Variants in ZBTB7C observed in about 807,000 individuals in gnomAD.
The protein encoded by ZBTB7C is zinc finger and BTB domain-containing protein 7C.
In ZBTB7C, 8 loss-of-function variants were observed where a neutral mutation model predicts 25.7. That is an observed-to-expected ratio of 0.31 (90% CI 0.18 to 0.56). The LOEUF is 0.56. Among genes scored for constraint, ZBTB7C ranks in the 20% least tolerant of loss-of-function variants. The probability of loss-of-function intolerance (pLI) is 0.91; values close to 1 mark genes in which losing one functional copy is unlikely to be tolerated. For missense variants in ZBTB7C, 824 were observed against 855.2 expected (o/e 0.96, Z 0.46); for synonymous variants, 394 against 369.0 (o/e 1.07, Z -0.78).
Position 48,338,347 on chromosome 18 carries a change from C to T in ZBTB7C, c.-252G>A, listed in dbSNP as rs899403988. On this transcript the variant is annotated 5_prime_UTR_variant, in exon 2 of 5. Transcript: ENST00000590800. ...TCACTTCTTGCTCTTGTGGCTGACC[C>T]ACTCCTCAGGGTTGGACAGAGCTTC... The T allele has an allele frequency of 6.6e-6, 1 of 152,226 alleles. No individual in the cohort carries two copies. Among genetic ancestry groups the T allele is most frequent in the East Asian group, 1.9e-4 (1 of 5,188 alleles). 9.4% of individuals were successfully genotyped at this position (152,226 alleles called of 1,614,324 possible).
chr18:48,029,803 C>T lies in ZBTB7C; in HGVS notation c.1317G>A (p.Met439Ile), dbSNP rs764990279. 1.9e-6 allele frequency: 3 copies of T among 1,609,086 alleles called. No individual in the cohort carries two copies. The East Asian group carries it at 6.7e-5, about 36-fold the overall frequency. ...AGGGCCGCACGCCCGTGTGGATGCGCATGTGGTTCTTGAGGTCGTAGTTGT... is the reference window on the plus strand; with the variant it reads ...AGGGCCGCACGCCCGTGTGGATGCGTATGTGGTTCTTGAGGTCGTAGTTGT... ...FVHNYDLKNHMRIHTGVRPYQ... is the reference protein window; with the variant it reads ...FVHNYDLKNHIRIHTGVRPYQ... Residue 439 changes from methionine to isoleucine, a missense_variant, in exon 5 of 5, where the codon ATG becomes ATA. Met to Ile is a conservative substitution (Grantham distance 10). Transcript: ENST00000590800.
At chr18:48,245,494 C>CAAAAAAAAA (rs5824738) in intron 2 of ZBTB7C, among the ~76,000 whole-genome samples, 1 of 132,908 alleles carries the variant, frequency 7.5e-6, no homozygotes. Flanking sequence ...ATCAAGACAC[C>CAAAAAAAAA]AAAAAAAAAA....
At chr18:48,051,246 G>A (rs2036674390) in intron 3 of ZBTB7C, among the ~76,000 whole-genome samples, 1 of 152,246 alleles carries the variant, frequency 6.6e-6, no homozygotes, top group Admixed American at 6.5e-5. Context: ...GAAGGGTACC[G>A]AAGAGCGTAG....
At chr18:48,356,113 G>C (rs757084651) in intron 1 of ZBTB7C, among the ~76,000 whole-genome samples, 1 of 152,164 alleles carries the variant, frequency 6.6e-6, no homozygotes, top group Non-Finnish European at 1.5e-5. Flanking sequence ...CATGAGGCTT[G>C]AGACCCACTG....
intron 2 of ZBTB7C, among the ~76,000 whole-genome samples, chr18:48,327,282 C>T (rs1412326131): frequency 6.6e-6 from 1 of 152,188 alleles, no homozygotes; most frequent in African/African-American, 2.4e-5. Flanking sequence ...CCCCGAATCA[C>T]CATCATCCCA....
Position 48,029,256 on chromosome 18 carries a change from C to T in ZBTB7C, c.*4G>A, listed in dbSNP as rs1331561825. 6 of 1,536,086 alleles carry T rather than the reference C, an allele frequency of 3.9e-6. No homozygotes were observed. Among genetic ancestry groups the T allele is most frequent in the Non-Finnish European group, 5.2e-6 (6 of 1,148,798 alleles). ...CTGGTGGGCTGGAGCCGACAGGGAC[C>T]AGCCTAGTTGTTGGCTTCGGACATG... On this transcript the variant is annotated 3_prime_UTR_variant, in exon 5 of 5. Transcript: ENST00000590800.
At chr18:48,031,084 G>A (rs749355273) in intron 4 of ZBTB7C, among the ~76,000 whole-genome samples, 19 of 152,182 alleles carry the variant, frequency 1.2e-4, no homozygotes, top group Non-Finnish European at 1.0e-4. Flanking sequence ...TAGAACAGAT[G>A]TGGAGTCCAG....
chr18:48,077,407 C>T (rs374025396), intron 3 of ZBTB7C, among the ~76,000 whole-genome samples: 31 of 152,306 alleles, frequency 2.0e-4, no homozygotes, highest in African/African-American at 7.0e-4. Flanking sequence ...TCCCCCAGTA[C>T]GCTCACACCC....
chr18:48,054,547 G>A (rs1054896471), intron 3 of ZBTB7C, among the ~76,000 whole-genome samples: 2 of 152,134 alleles, frequency 1.3e-5, no homozygotes, highest in African/African-American at 4.8e-5. Flanking sequence ...ATTTAGAGAC[G>A]AGGTCCAGCC....
chr18:48,130,177 A>G (rs2039944623), intron 3 of ZBTB7C, among the ~76,000 whole-genome samples: 1 of 152,156 alleles, frequency 6.6e-6, no homozygotes, highest in Non-Finnish European at 1.5e-5. Flanking sequence ...CTAGAGATTA[A>G]CCTCAGGCTG....
intron 4 of ZBTB7C, among the ~76,000 whole-genome samples, chr18:48,038,628 T>G (rs1313233861): frequency 6.6e-6 from 1 of 151,800 alleles, no homozygotes; most frequent in African/African-American, 2.4e-5. Flanking sequence ...ACTGTGTCCT[T>G]GGGCCAAAGC....
At chr18:48,210,553 C>T (rs2042679462) in intron 2 of ZBTB7C, among the ~76,000 whole-genome samples, 3 of 152,068 alleles carry the variant, frequency 2.0e-5, no homozygotes, top group East Asian at 1.9e-4. Context: ...GTGAAAGAAG[C>T]CAGCCACAAA....
chr18:48,233,241 T>C lies in ZBTB7C; in HGVS notation c.-78-47246A>G, dbSNP rs139458010. ...CTCTCTCGCGCGCACGCTCTCTCTC[T>C]CCCTTCACCCCCCACCTTCCTCCAT... On this transcript the variant is annotated intron_variant, in intron 2 of 4. Transcript: ENST00000590800. Among the ~76,000 whole-genome samples, 9 of 152,062 alleles carry C rather than the reference T, an allele frequency of 5.9e-5. No individual in the cohort carries two copies. The East Asian group carries it at 1.7e-3, about 29-fold the overall frequency.
At position 48,254,257 on chromosome 18, in the gene ZBTB7C, G is replaced by A. The variant is rs534122491; in HGVS notation, c.-78-68262C>T. On this transcript the variant is annotated intron_variant, in intron 2 of 4. Coordinates refer to ENST00000590800, the MANE Select transcript of ZBTB7C (RefSeq NM_001318841.2). Reference sequence around the variant, plus strand: ...AATGCCGGCAGCAAAATACTACCTAGGAATAGGCAAGTTCAAAATGGCGGT... The same window carrying A: ...AATGCCGGCAGCAAAATACTACCTAAGAATAGGCAAGTTCAAAATGGCGGT... Among the ~76,000 whole-genome samples, 23 of 152,306 alleles carry A rather than the reference G, an allele frequency of 1.5e-4. 1 individual carries two copies. In the South Asian group the frequency reaches 4.8e-3, roughly 32 times the overall value.
At chr18:48,357,382 C>T (rs548852196) in intron 1 of ZBTB7C, among the ~76,000 whole-genome samples, 29 of 152,198 alleles carry the variant, frequency 1.9e-4, no homozygotes, top group African/African-American at 7.0e-4. Context: ...AACTGGGACG[C>T]AGAGCTCACA....
chr18:48,331,337 T>C (rs1438822857), intron 2 of ZBTB7C, among the ~76,000 whole-genome samples: 4 of 152,176 alleles, frequency 2.6e-5, no homozygotes, highest in Non-Finnish European at 5.9e-5. Flanking sequence ...CCATGTCACA[T>C]TCTTGTGAGG....
intron 3 of ZBTB7C, chr18:48,072,726 C>T (rs971926866): frequency 2.0e-5 from 3 of 152,258 alleles, no homozygotes; most frequent in Non-Finnish European, 4.4e-5. Flanking sequence ...CATTGCTCCT[C>T]CAATCCCACC....
At chr18:48,044,415 CA>C (rs991359695) in intron 3 of ZBTB7C, among the ~76,000 whole-genome samples, 5 of 152,182 alleles carry the variant, frequency 3.3e-5, no homozygotes, top group African/African-American at 1.2e-4. Context: ...GGTGGGCACC[CA>C]AGGGAACGCA....
At chr18:48,340,284 A>T (rs1489330724) in intron 1 of ZBTB7C, among the ~76,000 whole-genome samples, 1 of 152,230 alleles carries the variant, frequency 6.6e-6, no homozygotes, top group Non-Finnish European at 1.5e-5. Context: ...CAGGAAACCC[A>T]GGGTAGGTAG....
Sources: gnomAD v4.1 joint callset for allele counts (sites outside exome capture counted in the v4.1 genomes callset) on GRCh38, gnomAD v4.1.1 for gene constraint, MANE v1.5 for transcripts, NCBI Gene and HGNC (gene_info 2026-07-23, HGNC 2026-07-21) for gene names.